The following CACNA1I variants were observed in gnomAD, a reference collection of about 807,000 sequenced individuals.
The protein encoded by CACNA1I is calcium voltage-gated channel subunit alpha1 I.
Under a neutral mutation model 201.6 loss-of-function variants are expected in CACNA1I, and 74 were observed. The ratio of observed to expected loss-of-function variants is 0.37; its 90% CI spans 0.30 to 0.45. The LOEUF (loss-of-function observed/expected upper bound fraction) is 0.45. CACNA1I is among the 20% of genes least tolerant of loss of function. The pLI, the probability that CACNA1I is intolerant of heterozygous loss-of-function variation, is 1.00. For missense variants in CACNA1I, 2,346 were observed against 3,138.1 expected (o/e 0.75, Z 6.03); for synonymous variants, 1,431 against 1,345.2 (o/e 1.06, Z -1.40).
intron 1 of CACNA1I, among the ~76,000 whole-genome samples, chr22:39,578,145 G>A (rs1353318006): frequency 1.3e-5 from 2 of 152,116 alleles, no homozygotes; most frequent in Non-Finnish European, 2.9e-5. Context: ...GTGGGGAGTG[G>A]GGCCTGGAGA....
chr22:39,669,924 C>A, intron 24 of CACNA1I, 114 bp from the exon 25 acceptor site: 1 of 1,192,898 alleles, frequency 8.4e-7, no homozygotes, highest in East Asian at 2.3e-5. Context: ...AGCCACCTTC[C>A]TGGAGGCAGG....
intron 27 of CACNA1I, among the ~76,000 whole-genome samples, 165 bp downstream of exon 27, chr22:39,672,473 A>T (rs914704510): frequency 2.0e-5 from 3 of 152,156 alleles, no homozygotes; most frequent in Non-Finnish European, 2.9e-5. Flanking sequence ...TGAACAGGAA[A>T]TAATTATGGT....
At chr22:39,577,315 C>T (rs1332792401) in intron 1 of CACNA1I, among the ~76,000 whole-genome samples, 8 of 152,236 alleles carry the variant, frequency 5.3e-5, no homozygotes, top group Non-Finnish European at 8.8e-5. Context: ...GGATTACAGG[C>T]GGGAGCCACT....
intron 1 of CACNA1I, among the ~76,000 whole-genome samples, chr22:39,576,213 G>T (rs1932345123): frequency 6.6e-6 from 1 of 152,230 alleles, no homozygotes; most frequent in Admixed American, 6.5e-5. Context: ...ATTAGCGATG[G>T]TTCCTGTAAA....
chr22:39,652,389 T>C (rs565923611), intron 10 of CACNA1I, among the ~76,000 whole-genome samples: 7 of 152,316 alleles, frequency 4.6e-5, no homozygotes, highest in African/African-American at 1.2e-4. Flanking sequence ...GTCTCCTGCC[T>C]GGTCACAGGG....
At chr22:39,589,061 A>G (rs1262154985) in intron 1 of CACNA1I, among the ~76,000 whole-genome samples, 1 of 152,142 alleles carries the variant, frequency 6.6e-6, no homozygotes, top group Non-Finnish European at 1.5e-5. Flanking sequence ...AGGGTGTTTT[A>G]GCTGCATTCC....
chr22:39,673,915 T>C (rs754413314), intron 28 of CACNA1I, 48 bp from the exon 29 acceptor site: 1 of 1,579,812 alleles, frequency 6.3e-7, no homozygotes, highest in African/African-American at 1.3e-5. Flanking sequence ...CACACACACG[T>C]CCCCACCGGC....
chr22:39,680,810 G>C, intron 33 of CACNA1I, 120 bp from the exon 34 acceptor site: 1 of 1,108,174 alleles, frequency 9.0e-7, no homozygotes. Context: ...CAGGTGTCTG[G>C]ACCTTTCTGA....
chr22:39,680,122 C>G (rs1935659021), intron 33 of CACNA1I, among the ~76,000 whole-genome samples: 1 of 152,212 alleles, frequency 6.6e-6, no homozygotes, highest in Non-Finnish European at 1.5e-5. Context: ...GGGCAGCTGC[C>G]CCACCTTGTG....
intron 1 of CACNA1I, among the ~76,000 whole-genome samples, chr22:39,593,707 T>G (rs1331591505): frequency 3.9e-5 from 6 of 152,058 alleles, no homozygotes; most frequent in Non-Finnish European, 8.8e-5. Flanking sequence ...TTCAGGCAGA[T>G]TAGCCTGGCA....
chr22:39,640,543 G>T (rs954626044), intron 5 of CACNA1I, among the ~76,000 whole-genome samples: 1 of 152,184 alleles, frequency 6.6e-6, no homozygotes, highest in South Asian at 2.1e-4. Flanking sequence ...CTGTCTGTGC[G>T]AACCCAACAG....
At chr22:39,602,783 G>A (rs954687259) in intron 3 of CACNA1I, among the ~76,000 whole-genome samples, 11 of 152,052 alleles carry the variant, frequency 7.2e-5, no homozygotes, top group African/African-American at 2.7e-4. Context: ...CTAGAAGCTT[G>A]TGGGCTTTTC....
In CACNA1I at chr22:39,641,195, A is replaced by G; in HGVS notation, c.1056+13A>G. On this transcript the variant is annotated intron_variant, in intron 6 of 36. Coordinates refer to ENST00000402142, the MANE Select transcript of CACNA1I (RefSeq NM_021096.4). ...TGTCATCTTCCAGGTGAGGCCATTCAGGCCTGGGGCCAGCCTGGTCCTAGA... is the reference window on the plus strand; with the variant it reads ...TGTCATCTTCCAGGTGAGGCCATTCGGGCCTGGGGCCAGCCTGGTCCTAGA... The G allele has an allele frequency of 6.2e-7, 1 of 1,606,318 alleles. No individual in the cohort carries two copies. Among genetic ancestry groups the G allele is most frequent in the Non-Finnish European group, 8.5e-7 (1 of 1,174,148 alleles).
In CACNA1I at chr22:39,640,887, C is replaced by A; in HGVS notation, c.761C>A (p.Pro254His). ...NFTIQGDVAL[P>H]PYYQPEEDDE... is the part of the protein sequence containing the mutation. Reference sequence around the variant, plus strand: ...GACAGACAAGGGGATGTGGCCTTGCCCCCATACTACCAGCCGGAGGAGGAT... The same window carrying A: ...GACAGACAAGGGGATGTGGCCTTGCACCCATACTACCAGCCGGAGGAGGAT... Residue 254 changes from proline (P) to histidine (H), a missense_variant, in exon 6 of 37, where the codon CCC (proline) becomes CAC (histidine). This residue lies in a region of CACNA1I where 227 missense variants were observed against 412.5 expected (regional missense o/e 0.55). Coordinates refer to ENST00000402142, the MANE Select transcript of CACNA1I (RefSeq NM_021096.4). 6.2e-7 allele frequency: 1 copy of A among 1,613,204 alleles called. No individual in the cohort carries two copies. The highest frequency in any genetic ancestry group is 8.5e-7 in the Non-Finnish European group (1 of 1,179,536).
chr22:39,658,800 A>G lies in CACNA1I; in HGVS notation c.2145-131A>G, dbSNP rs990746097. 2.9e-5 allele frequency: 23 copies of G among 803,634 alleles called. No homozygotes were observed. The Admixed American group carries it at 5.1e-4, about 18-fold the overall frequency. 49.8% of individuals were successfully genotyped at this position (803,634 alleles called of 1,614,324 possible). On this transcript the variant is annotated intron_variant, in intron 11 of 36. Coordinates refer to ENST00000402142, the MANE Select transcript of CACNA1I (RefSeq NM_021096.4). ...CTTGTGGCGTGGAGCAGCATCCAACATATTTGTCAGATGGATGGATGAATG... is the reference window on the plus strand; with the variant it reads ...CTTGTGGCGTGGAGCAGCATCCAACGTATTTGTCAGATGGATGGATGAATG...
At position 39,659,322 on chromosome 22, in the gene CACNA1I, T is replaced by C; in HGVS notation, c.2331-111T>C. The C allele has an allele frequency of 1.1e-6, 1 of 939,854 alleles. No individual in the cohort carries two copies. The highest frequency in any genetic ancestry group is 1.6e-6 in the Non-Finnish European group (1 of 607,100). The allele number at this position is 939,854 out of a possible 1,614,324, so 58.2% of individuals were successfully genotyped here. ...CATCTCTGTAAAATGGGACCAACGC[T>C]GCCCCGCCTCCCCCTGCCCTGCATT... On this transcript the variant is annotated intron_variant, in intron 12 of 36. Transcript: ENST00000402142. This position sits in a 1 kb window ranked among gnomAD's most constrained non-coding sequence, Gnocchi z 4.3.
chr22:39,636,772 T>G (rs967613814), intron 5 of CACNA1I, among the ~76,000 whole-genome samples: 2 of 152,156 alleles, frequency 1.3e-5, no homozygotes, highest in African/African-American at 4.8e-5. Context: ...GCAGGGGAAT[T>G]CCTCAAAGTC....
In CACNA1I at chr22:39,646,866, G is replaced by A; in HGVS notation, c.1447G>A (p.Glu483Lys). Reference protein sequence around the residue: ...APAKPGPHAKEPRHYHGKTKG... With the variant: ...APAKPGPHAKKPRHYHGKTKG... Reference sequence around the variant, plus strand: ...CGCCAAACCTGGGCCCCACGCCAAGGAGCCCCGGCACTACCGTAAGTGGCC... The same window carrying A: ...CGCCAAACCTGGGCCCCACGCCAAGAAGCCCCGGCACTACCGTAAGTGGCC... Residue 483 changes from glutamate to lysine, a missense_variant, in exon 8 of 37, where the codon GAG becomes AAG. Around this residue, in one of 13 missense-constraint regions of CACNA1I, gnomAD observed 312 missense variants for 331.5 expected, o/e 0.94. Coordinates refer to ENST00000402142, the MANE Select transcript of CACNA1I (RefSeq NM_021096.4). 6.6e-7 allele frequency: 1 copy of A among 1,508,530 alleles called. No homozygotes were observed. Among genetic ancestry groups the A allele is most frequent in the Non-Finnish European group, 8.8e-7 (1 of 1,131,092 alleles). 93.4% of individuals were successfully genotyped at this position (1,508,530 alleles called of 1,614,324 possible). A position where few individuals can be genotyped will look rare whatever the true frequency, so the allele number is the denominator to read the frequency against.
chr22:39,657,409 G>A (rs1934857055), intron 10 of CACNA1I, among the ~76,000 whole-genome samples: 1 of 152,324 alleles, frequency 6.6e-6, no homozygotes, highest in Admixed American at 6.5e-5. Flanking sequence ...GGTGCTCTGT[G>A]TGCAGGACTG....
Sources: allele counts gnomAD v4.1 joint callset (sites outside exome capture counted in the v4.1 genomes callset), GRCh38; gene constraint gnomAD v4.1.1; regional missense constraint gnomAD v4.1.1; non-coding constraint Gnocchi (gnomAD v3.1); transcripts MANE v1.5; gene names NCBI Gene and HGNC (gene_info 2026-07-23, HGNC 2026-07-21).